Variants in APC2 observed in about 807,000 individuals in gnomAD.
APC2 encodes the protein APC regulator of Wnt signaling pathway 2.
Under a neutral mutation model 72.5 loss-of-function variants are expected in APC2, and 41 were observed. That is an observed-to-expected ratio of 0.57 (90% confidence interval 0.44 to 0.73). The LOEUF (loss-of-function observed/expected upper bound fraction) is 0.73. Ranked by LOEUF, APC2 falls within the 30% of genes least tolerant of loss-of-function variation. The pLI is 0.00. For missense variants in APC2, 3,729 were observed against 3,403.4 expected (o/e 1.10, Z -2.38); for synonymous variants, 1,898 against 1,612.0 (o/e 1.18, Z -4.25).
intron 10 of APC2, among the ~76,000 whole-genome samples, 172 bp from the exon 11 acceptor site, chr19:1,460,009 C>T (rs1471173326): frequency 6.6e-6 from 1 of 152,196 alleles, no homozygotes; most frequent in Non-Finnish European, 1.5e-5. Flanking sequence ...GGTCTGGCAG[C>T]AGGGTGAGGC....
upstream of APC2, among the ~76,000 whole-genome samples, chr19:1,447,569 G>T (rs2083698748): frequency 6.6e-6 from 1 of 151,986 alleles, no homozygotes; most frequent in South Asian, 2.1e-4. Context: ...AAGTCCTAGG[G>T]GGCTGTGGGG....
intron 9 of APC2, 149 bp from the exon 10 acceptor site, chr19:1,457,816 G>A: frequency 1.5e-6 from 1 of 681,952 alleles, no homozygotes; most frequent in Non-Finnish European, 2.5e-6. Flanking sequence ...CCATCTTAGA[G>A]AGGCTGGGAA....
intron 14 of APC2, among the ~76,000 whole-genome samples, chr19:1,463,266 A>C (rs11879837): frequency 0.16 from 23,770 of 151,686 alleles, 6,109 homozygotes; most frequent in African/African-American, 0.54. Flanking sequence ...AAATACAAAA[A>C]AAATAGCCAG....
chr19:1,471,968 C>A lies in APC2; in HGVS notation c.*1755C>A. The stretch of plus-strand genomic sequence containing the variant: ...AGCTCCAGACAGGACGTCCATAAGT[C>A]ACCGAGGTGTGCCACCCAGCAGGTG... On this transcript the variant is annotated 3_prime_UTR_variant, in exon 15 of 15. Coordinates refer to ENST00000590469, the MANE Select transcript of APC2 (RefSeq NM_005883.3). 6.6e-6 allele frequency: 1 copy of A among 152,498 alleles called. No homozygotes were observed. Among genetic ancestry groups the A allele is most frequent in the Non-Finnish European group, 1.5e-5 (1 of 68,118 alleles). The allele number at this position is 152,498 out of a possible 1,614,324, so 9.4% of individuals were successfully genotyped here.
Position 1,467,819 on chromosome 19 carries a change from G to C in APC2, c.4518G>C (p.Val1506=), listed in dbSNP as rs1228328262. The C allele has an allele frequency of 6.6e-7, 1 of 1,510,278 alleles. No individual in the cohort carries two copies. The highest frequency in any genetic ancestry group is 8.8e-7 in the Non-Finnish European group (1 of 1,136,376). 93.6% of individuals were successfully genotyped at this position (1,510,278 alleles called of 1,614,324 possible). Residue 1506 remains valine (V), a synonymous_variant, in exon 15 of 15, where the codon GTG becomes GTC. Coordinates refer to ENST00000590469, the MANE Select transcript of APC2 (RefSeq NM_005883.3). ...LCLTTPTEEA[V]YCFYGNDSDE... ...TCACGACGCCCACTGAGGAGGCCGTGTACTGCTTCTACGGCAACGACTCGG... is the reference window on the plus strand; with the variant it reads ...TCACGACGCCCACTGAGGAGGCCGTCTACTGCTTCTACGGCAACGACTCGG...
In APC2 at chr19:1,467,667, C is replaced by T. The variant is rs1385696454; in HGVS notation, c.4366C>T (p.Arg1456Trp). 3 of 1,478,764 alleles carry T rather than the reference C, an allele frequency of 2.0e-6. No individual in the cohort carries two copies. The highest frequency in any genetic ancestry group is 2.9e-5 in the African/African-American group (2 of 68,198). The allele number at this position is 1,478,764 out of a possible 1,614,324, so 91.6% of individuals were successfully genotyped here. A position where few individuals can be genotyped will look rare whatever the true frequency, so the allele number is the denominator to read the frequency against. The change falls in exon 15 of 15, where the codon CGG becomes TGG. Residue 1456 changes from arginine to tryptophan, a missense_variant. Physicochemically the swap from Arg to Trp is moderately radical, Grantham distance 101 (BLOSUM62 -3). Transcript: ENST00000590469. ...GGAGRSAEQSRGAGKNRAGLE... is the reference protein window; with the variant it reads ...GGAGRSAEQSWGAGKNRAGLE... ...CGCCGGCCGCAGCGCGGAGCAGTCTCGGGGCGCGGGCAAGAACAGAGCAGG... is the reference window on the plus strand; with the variant it reads ...CGCCGGCCGCAGCGCGGAGCAGTCTTGGGGCGCGGGCAAGAACAGAGCAGG...
At chr19:1,456,516 T>G in intron 8 of APC2, 112 bp downstream of exon 8, 1 of 1,170,774 alleles carries the variant, frequency 8.5e-7, no homozygotes. Context: ...CAGCACCCCC[T>G]CGGGTGTAGG....
Position 1,469,915 on chromosome 19 carries a change from C to A in APC2, c.6614C>A (p.Thr2205Lys). 6.6e-7 allele frequency: 1 copy of A among 1,521,182 alleles called. No individual in the cohort carries two copies. Among genetic ancestry groups the A allele is most frequent in the Non-Finnish European group, 8.8e-7 (1 of 1,140,886 alleles). 94.2% of individuals were successfully genotyped at this position (1,521,182 alleles called of 1,614,324 possible). A position where few individuals can be genotyped will look rare whatever the true frequency, so the allele number is the denominator to read the frequency against. ...GCCGCCCCCAAGACCAACTCCAGCA[C>A]GTCCCCGAGCCTGGAGACCAGGGAG... Reference protein sequence around the residue: ...EVAAPKTNSSTSPSLETREPP... With the variant: ...EVAAPKTNSSKSPSLETREPP... Residue 2205 changes from threonine to lysine, a missense_variant, in exon 15 of 15, where the codon ACG becomes AAG. Coordinates refer to ENST00000590469, the MANE Select transcript of APC2 (RefSeq NM_005883.3).
chr19:1,457,610 A>C, intron 9 of APC2: 2 of 493,502 alleles, frequency 4.1e-6, no homozygotes, highest in Non-Finnish European at 7.2e-6. Flanking sequence ...AAGCAGGAGA[A>C]TTGCTTGAGC....
rs1333721472 is a variant in APC2, at chr19:1,456,010, G to T, written c.640-66G>T. 2.1e-6 allele frequency: 3 copies of T among 1,450,458 alleles called. No individual in the cohort carries two copies. In the Admixed American group the frequency reaches 6.3e-5, roughly 31 times the overall value. 89.8% of individuals were successfully genotyped at this position (1,450,458 alleles called of 1,614,324 possible). A position where few individuals can be genotyped will look rare whatever the true frequency, so the allele number is the denominator to read the frequency against. On this transcript the variant is annotated intron_variant, in intron 6 of 14. Coordinates refer to ENST00000590469, the MANE Select transcript of APC2 (RefSeq NM_005883.3). ...GAGCCCAGGGTGGGGTCATCCCAGGGAGAGGCGGGGTCAGAGCCGGGGGCG... is the reference window on the plus strand; with the variant it reads ...GAGCCCAGGGTGGGGTCATCCCAGGTAGAGGCGGGGTCAGAGCCGGGGGCG...
chr19:1,467,681 G>A lies in APC2; in HGVS notation c.4380G>A (p.Lys1460=), dbSNP rs573970879. The change falls in exon 15 of 15, where the codon AAG becomes AAA. Residue 1460 remains lysine (K), a synonymous_variant. Coordinates refer to ENST00000590469, the MANE Select transcript of APC2 (RefSeq NM_005883.3). ...RSAEQSRGAG[K]NRAGLELPLG... ...CGGAGCAGTCTCGGGGCGCGGGCAAGAACAGAGCAGGGCTGGAGCTGCCCC... is the reference window on the plus strand; with the variant it reads ...CGGAGCAGTCTCGGGGCGCGGGCAAAAACAGAGCAGGGCTGGAGCTGCCCC... The A allele has an allele frequency of 2.7e-6, 4 of 1,479,412 alleles. No homozygotes were observed. Among genetic ancestry groups the A allele is most frequent in the South Asian group, 1.3e-5 (1 of 75,946 alleles). 91.6% of individuals were successfully genotyped at this position (1,479,412 alleles called of 1,614,324 possible).
rs756112717 is a variant in APC2, at chr19:1,465,166, G to A, written c.1865G>A (p.Arg622Gln). 7.5e-6 allele frequency: 12 copies of A among 1,600,642 alleles called. No individual in the cohort carries two copies. Among genetic ancestry groups the A allele is most frequent in the South Asian group, 2.2e-5 (2 of 89,098 alleles). The part of the protein sequence containing the change: ...ATREDYRQVL[R>Q]DHNCLQTLLQ... ...CCCTGTGCCTACAGGCAGGTGCTCC[G>A]GGATCACAACTGTCTGCAGACGCTG... The change falls in exon 15 of 15, where the codon CGG (arginine) becomes CAG (glutamine). Residue 622 changes from arginine to glutamine, a missense_variant. Transcript: ENST00000590469.
intron 9 of APC2, 70 bp from the exon 10 acceptor site, chr19:1,457,895 C>CGGGGAGGGGG (rs71174372): frequency 4.8e-6 from 6 of 1,251,680 alleles, no homozygotes; most frequent in Non-Finnish European, 6.4e-6. Context: ...GGGCGGGTTG[C>CGGGGAGGGGG]GGGACCTTCG....
intron 13 of APC2, 191 bp downstream of exon 13, chr19:1,461,344 C>T (rs2083919292): frequency 2.1e-5 from 13 of 609,248 alleles, no homozygotes; most frequent in Admixed American, 5.6e-5. Context: ...GTGGGCTGGG[C>T]GCCGTGGCTC....
chr19:1,468,578 C>G lies in APC2; in HGVS notation c.5277C>G (p.Val1759=), dbSNP rs781311381. 9 of 1,600,306 alleles carry G rather than the reference C, an allele frequency of 5.6e-6. No individual in the cohort carries two copies. The Admixed American group carries it at 1.5e-4, about 27-fold the overall frequency. ...CAGAGAAAAGGGGCGCAGCCTCAGT[C>G]AAGACCAGCGGGAGCCCCCGTTCCC... ...RRPEKRGAAS[V]KTSGSPRSPA... The change falls in exon 15 of 15, where the codon GTC becomes GTG. Residue 1759 remains valine, a synonymous_variant. Transcript: ENST00000590469.
Position 1,470,193 on chromosome 19 carries a change from T to C in APC2, c.6892T>C (p.Ser2298Pro). The C allele has an allele frequency of 1.3e-6, 2 of 1,596,430 alleles. No individual in the cohort carries two copies. The highest frequency in any genetic ancestry group is 1.7e-6 in the Non-Finnish European group (2 of 1,174,080). ...CGCGGAGAAAGCCCCGGCCACTGCC[T>C]CCGCCACCCTCCTGGAATAGTGGCC... is the stretch of plus-strand genomic sequence containing the variant. ...SAAEKAPATA[S>P]ATLLE Residue 2298 changes from serine (S) to proline (P), a missense_variant, in exon 15 of 15, where the codon TCC becomes CCC. Physicochemically the swap from Ser to Pro is moderately conservative, Grantham distance 74 (BLOSUM62 -1). Coordinates refer to ENST00000590469, the MANE Select transcript of APC2 (RefSeq NM_005883.3).
rs2084128959 is a variant in APC2, at chr19:1,471,250, T to A, written c.*1037T>A. On this transcript the variant is annotated 3_prime_UTR_variant, in exon 15 of 15. Transcript: ENST00000590469. ...GTGCCCAGGACCGCACCGCTGCTCA[T>A]CTTGTCCCTTTTCAATTCCCTTCTG... 1 of 152,434 alleles carries A rather than the reference T, an allele frequency of 6.6e-6. No homozygotes were observed. The highest frequency in any genetic ancestry group is 6.5e-5 in the Admixed American group (1 of 15,290). The allele number at this position is 152,434 out of a possible 1,614,324, so 9.4% of individuals were successfully genotyped here. A position where few individuals can be genotyped will look rare whatever the true frequency, so the allele number is the denominator to read the frequency against.
intron 14 of APC2, among the ~76,000 whole-genome samples, chr19:1,462,787 G>A (rs1337214955): frequency 5.5e-5 from 8 of 145,836 alleles, no homozygotes; most frequent in Non-Finnish European, 1.0e-4. Flanking sequence ...TGCCTAACAC[G>A]GTGAAACCCC....
At position 1,468,781 on chromosome 19, in the gene APC2, C is replaced by A. The variant is rs1323346724; in HGVS notation, c.5480C>A (p.Ala1827Glu). Residue 1827 changes from alanine to glutamate, a missense_variant, in exon 15 of 15, where the codon GCG becomes GAG. Coordinates refer to ENST00000590469, the MANE Select transcript of APC2 (RefSeq NM_005883.3). ...KVAPPCLAQP[A>E]APAKVPSPGQ... Reference sequence around the variant, plus strand: ...GCGCCCCCTTGCCTGGCACAGCCCGCGGCTCCAGCCAAAGTCCCGAGCCCC... The same window carrying A: ...GCGCCCCCTTGCCTGGCACAGCCCGAGGCTCCAGCCAAAGTCCCGAGCCCC... 3 of 1,511,388 alleles carry A rather than the reference C, an allele frequency of 2.0e-6. No homozygotes were observed. Among genetic ancestry groups the A allele is most frequent in the Non-Finnish European group, 2.7e-6 (3 of 1,131,172 alleles). The allele number at this position is 1,511,388 out of a possible 1,614,324, so 93.6% of individuals were successfully genotyped here.
Sources: gnomAD v4.1 joint callset for allele counts (sites outside exome capture counted in the v4.1 genomes callset) on GRCh38, gnomAD v4.1.1 for gene constraint, MANE v1.5 for transcripts, NCBI Gene and HGNC (gene_info 2026-07-23, HGNC 2026-07-21) for gene names.